Variants in OPA3 observed in about 807,000 individuals in gnomAD.
OPA3 encodes optic atrophy 3 protein.
A neutral mutation model predicts 4.0 loss-of-function variants in OPA3; 6 were observed. The ratio of observed to expected loss-of-function variants is 1.51; its 90% CI spans 0.83 to 2.99. OPA3 has a LOEUF of 2.99. OPA3 is among the 30% of genes most tolerant of loss of function. The pLI, the probability that OPA3 is intolerant of heterozygous loss-of-function variation, is 0.00. For missense variants in OPA3, 235 were observed against 256.2 expected (o/e 0.92, Z 0.56); for synonymous variants, 105 against 117.1 (o/e 0.90, Z 0.67).
Position 45,550,777 on chromosome 19 carries a change from T to A in OPA3, c.*2737A>T. On this transcript the variant is annotated 3_prime_UTR_variant, in exon 2 of 2. Transcript: ENST00000263275. ...CAGGTACAGCCTCAGGATGCCTTCA[T>A]CACCTTGCAGCTCCTCTAATGAGAG... is the stretch of plus-strand genomic sequence containing the variant. 1 of 985,934 alleles carries A rather than the reference T, an allele frequency of 1.0e-6. No homozygotes were observed. The highest frequency in any genetic ancestry group is 1.2e-6 in the Non-Finnish European group (1 of 830,020). The allele number at this position is 985,934 out of a possible 1,614,324, so 61.1% of individuals were successfully genotyped here.
At chr19:45,561,222 A>G (rs1305846719) in intron 1 of OPA3, among the ~76,000 whole-genome samples, 6 of 152,008 alleles carry the variant, frequency 3.9e-5, no homozygotes. Context: ...AATCCCAGCT[A>G]CTCGGGAGGC....
At chr19:45,539,249 C>T (rs982192326) in intron 1 of OPA3, among the ~76,000 whole-genome samples, 6 of 152,098 alleles carry the variant, frequency 3.9e-5, no homozygotes, top group South Asian at 2.1e-4. Flanking sequence ...ATGTCACTGG[C>T]GGAAATGTAA....
At chr19:45,572,560 G>GATATATATCATGATATATATATATAAAT (rs1969694490) in intron 1 of OPA3, among the ~76,000 whole-genome samples, 1 of 99,142 alleles carries the variant, frequency 1.0e-5, no homozygotes, top group South Asian at 3.6e-4. Flanking sequence ...ATCATATATG[G>GATATATATCATGATATATATATATAAAT]ATATATATCA....
rs752893027 is a variant in OPA3, at chr19:45,553,780, C to A, written c.274G>T (p.Val92Leu). 4.3e-6 allele frequency: 7 copies of A among 1,613,178 alleles called. No individual in the cohort carries two copies. Among genetic ancestry groups the A allele is most frequent in the Non-Finnish European group, 5.9e-6 (7 of 1,179,878 alleles). Reference protein sequence around the residue: ...ELLGEATIFIVGGGCLVLEYW... With the variant: ...ELLGEATIFILGGGCLVLEYW... ...TCCAGCACTAGGCAGCCGCCGCCCA[C>A]GATGAAGATGGTGGCTTCGCCCAGC... Residue 92 changes from valine (V) to leucine (L), a missense_variant, in exon 2 of 2, where the codon GTG (valine) becomes TTG (leucine). Transcript: ENST00000263275.
At chr19:45,563,131 TTAATCCTGCAGCATAGTGTATGA>T (rs1359523709) in intron 1 of OPA3, among the ~76,000 whole-genome samples, 1 of 152,148 alleles carries the variant, frequency 6.6e-6, no homozygotes, top group Non-Finnish European at 1.5e-5. Context: ...GCTGGGCTCC[TTAATCCTGCAGCATAGTGTATGA>T]TAACAATTTT....
intron 1 of OPA3, among the ~76,000 whole-genome samples, chr19:45,539,508 G>T (rs956413243): frequency 4.6e-5 from 7 of 152,030 alleles, no homozygotes; most frequent in African/African-American, 1.7e-4. Context: ...GTAGAGATGA[G>T]GTCTCACTAT....
chr19:45,573,346 G>A (rs918890782), intron 1 of OPA3, among the ~76,000 whole-genome samples: 1 of 152,110 alleles, frequency 6.6e-6, no homozygotes, highest in African/African-American at 2.4e-5. Flanking sequence ...AGCTACTCGG[G>A]AGGCTGAGAC....
In OPA3 at chr19:45,576,385, AGCCAGGTGTGGTGGTGGGT is replaced by A. The variant is rs953848785; in HGVS notation, c.142+8219_142+8237del. Among the ~76,000 whole-genome samples the A allele has an allele frequency of 1.9e-3, 293 of 152,136 alleles. 4 individuals are homozygous for A. Among genetic ancestry groups the A allele is most frequent in the Non-Finnish European group, 2.6e-4 (18 of 67,994 alleles). On this transcript the variant is annotated intron_variant, in intron 1 of 1. Transcript: ENST00000263275. Reference sequence around the variant, plus strand: ...ATCTCTACTAAAAATACAAAAAATTAGCCAGGTGTGGTGGTGGGTGCCAGGTGTGGTGGTGGGTGCTACT... The same window carrying A: ...ATCTCTACTAAAAATACAAAAAATTAGCCAGGTGTGGTGGTGGGTGCTACT...
chr19:45,536,246 TAAAA>T (rs1205959269), intron 1 of OPA3, among the ~76,000 whole-genome samples: 1 of 113,222 alleles, frequency 8.8e-6, no homozygotes, highest in Non-Finnish European at 1.9e-5. Context: ...AAAAAAAAAT[TAAAA>T]AAAAAAATGT....
chr19:45,574,853 G>A (rs754110452), intron 1 of OPA3, among the ~76,000 whole-genome samples: 2 of 152,082 alleles, frequency 1.3e-5, no homozygotes, highest in Non-Finnish European at 2.9e-5. Context: ...GGCTGTTGGG[G>A]AGTCCTGAGC....
intron 1 of OPA3, among the ~76,000 whole-genome samples, chr19:45,582,709 T>C (rs1969874941): frequency 6.6e-6 from 1 of 152,062 alleles, no homozygotes; most frequent in African/African-American, 2.4e-5. Flanking sequence ...AGTTTATTGA[T>C]CTGGGTAAGG....
chr19:45,539,237 G>A (rs969291326), intron 1 of OPA3, among the ~76,000 whole-genome samples: 3 of 152,068 alleles, frequency 2.0e-5, no homozygotes, highest in Middle Eastern at 3.2e-3. Flanking sequence ...CAAAACTCTC[G>A]CATGTCACTG....
At chr19:45,582,327 C>G (rs1969868526) in intron 1 of OPA3, among the ~76,000 whole-genome samples, 2 of 151,510 alleles carry the variant, frequency 1.3e-5, no homozygotes, top group Admixed American at 1.3e-4. Context: ...GCCCGCCTAA[C>G]TTTTGTATTT....
chr19:45,575,785 T>C (rs1486740241), intron 1 of OPA3, among the ~76,000 whole-genome samples: 2 of 152,128 alleles, frequency 1.3e-5, no homozygotes, highest in African/African-American at 4.8e-5. Context: ...TTTTTATTTT[T>C]AGTAGGGACA....
intron 1 of OPA3, among the ~76,000 whole-genome samples, chr19:45,568,705 G>A (rs1969618386): frequency 6.6e-6 from 1 of 152,026 alleles, no homozygotes. Flanking sequence ...CCCAACTTTT[G>A]GTTCAAGGGA....
Position 45,548,036 on chromosome 19 carries a change from G to T in OPA3, c.*5478C>A. 1.3e-6 allele frequency: 1 copy of T among 789,062 alleles called. No individual in the cohort carries two copies. The highest frequency in any genetic ancestry group is 1.5e-6 in the Non-Finnish European group (1 of 650,566). The allele number at this position is 789,062 out of a possible 1,614,324, so 48.9% of individuals were successfully genotyped here. A position where few individuals can be genotyped will look rare whatever the true frequency, so the allele number is the denominator to read the frequency against. On this transcript the variant is annotated 3_prime_UTR_variant, in exon 2 of 2. Transcript: ENST00000263275. ...TATTGCCGGTCTCTGGCACTAGAAT[G>T]TCAGCTCCAGTGAGGGCCTCTGCTT...
At chr19:45,584,450 C>T in intron 1 of OPA3, 173 bp downstream of exon 1, 1 of 985,250 alleles carries the variant, frequency 1.0e-6, no homozygotes, top group Non-Finnish European at 1.2e-6. Context: ...CCCGCCCCGC[C>T]CTCACTACTG....
chr19:45,563,728 G>A (rs1969539759), intron 1 of OPA3, among the ~76,000 whole-genome samples: 1 of 151,576 alleles, frequency 6.6e-6, no homozygotes, highest in Admixed American at 6.6e-5. Context: ...GCTAATTTTT[G>A]TACTTTTAGT....
At chr19:45,554,043 G>A (rs984770489) in intron 1 of OPA3, 132 bp from the exon 2 acceptor site, 5 of 714,012 alleles carry the variant, frequency 7.0e-6, no homozygotes, top group Admixed American at 5.9e-5. Context: ...ATTCTAGCGA[G>A]CAGCCAGGAA....
Sources: allele counts gnomAD v4.1 joint callset (sites outside exome capture counted in the v4.1 genomes callset), GRCh38; gene constraint gnomAD v4.1.1; transcripts MANE v1.5; gene names NCBI Gene and HGNC (gene_info 2026-07-23, HGNC 2026-07-21).